Variants in EPHA1 observed in about 807,000 individuals in gnomAD.
EPHA1 encodes the protein ephrin type-A receptor 1.
EPHA1 carries 92 observed loss-of-function variants against 110.1 expected under a neutral mutation model. That is an observed-to-expected ratio of 0.84 (90% CI 0.71 to 0.99). The LOEUF is 0.99. EPHA1 is among the 50% of genes least tolerant of loss of function. The pLI is 0.00. For synonymous variants in EPHA1, 500 were observed against 516.1 expected, an observed-to-expected ratio of 0.97 and a Z score of 0.42; for missense variants, 1,204 against 1,285.4, an observed-to-expected ratio of 0.94 and a Z score of 0.97.
intron 9 of EPHA1, 95 bp from the exon 10 acceptor site, chr7:143,397,457 G>C: frequency 3.1e-6 from 5 of 1,588,544 alleles, no homozygotes; most frequent in Non-Finnish European, 4.3e-6. Context: ...CGGGCTGGGA[G>C]TGCAGGATGG....
At position 143,400,082 on chromosome 7, in the gene EPHA1, G is replaced by T. The variant is rs375079124; in HGVS notation, c.433-29C>A. 2.8e-5 allele frequency: 43 copies of T among 1,562,700 alleles called. No homozygotes were observed. The African/African-American group carries it at 5.4e-4, about 20-fold the overall frequency. On this transcript the variant is annotated intron_variant, in intron 3 of 17. Coordinates refer to ENST00000275815, the MANE Select transcript of EPHA1 (RefSeq NM_005232.5). ...GGTAGAAGGTGGGGAAGAAAGGGGA[G>T]CAATGGCAAAGTCCTGCTTCTTTCC...
chr7:143,397,218 C>T, intron 10 of EPHA1, 86 bp downstream of exon 10: 1 of 1,457,894 alleles, frequency 6.9e-7, no homozygotes, highest in South Asian at 1.3e-5. Flanking sequence ...TTGATCCCTT[C>T]CCAGTGGCAT....
intron 2 of EPHA1, among the ~76,000 whole-genome samples, chr7:143,402,314 T>C (rs1586586650): frequency 6.6e-6 from 1 of 152,234 alleles, no homozygotes; most frequent in Non-Finnish European, 1.5e-5. Context: ...ATTTCAATTA[T>C]AGCCATCATC....
At position 143,393,690 on chromosome 7, in the gene EPHA1, T is replaced by C. The variant is rs1164006815; in HGVS notation, c.2677A>G (p.Ile893Val). 3 of 1,613,684 alleles carry C rather than the reference T, an allele frequency of 1.9e-6. No homozygotes were observed. The highest frequency in any genetic ancestry group is 1.1e-5 in the South Asian group (1 of 91,054). ...GGTTACCTGGGGTCAAAGTTGGCAA[T>C]GGTCCGCAGGGAGTGGGGGTTGGCA... ...LLANPHSLRT[I>V]ANFDPRMTLR... The change falls in exon 16 of 18, where the codon ATT (isoleucine) becomes GTT (valine). Residue 893 changes from isoleucine (I) to valine (V), a missense_variant. Coordinates refer to ENST00000275815, the MANE Select transcript of EPHA1 (RefSeq NM_005232.5). This position sits in a 1 kb window ranked among gnomAD's most constrained non-coding sequence, Gnocchi z 5.6.
intron 2 of EPHA1, among the ~76,000 whole-genome samples, chr7:143,402,819 T>G (rs1314081333): frequency 1.3e-5 from 2 of 152,134 alleles, no homozygotes; most frequent in Non-Finnish European, 2.9e-5. Context: ...ATTCATGCCT[T>G]TAATCATTAT....
chr7:143,394,127 G>A, intron 15 of EPHA1, 67 bp downstream of exon 15: 1 of 1,543,398 alleles, frequency 6.5e-7, no homozygotes, highest in Non-Finnish European at 8.8e-7. Flanking sequence ...AAGGCCATGG[G>A]AGGACCTTGG....
At chr7:143,402,325 G>A (rs1196924057) in intron 2 of EPHA1, among the ~76,000 whole-genome samples, 1 of 152,066 alleles carries the variant, frequency 6.6e-6, no homozygotes, top group Non-Finnish European at 1.5e-5. Context: ...AGCCATCATC[G>A]AAATCAACAA....
At position 143,399,940 on chromosome 7, in the gene EPHA1, G is replaced by T; in HGVS notation, c.546C>A (p.Tyr182Ter). ...AGGCACCCGGGTTGTGGAAAGCGAG[G>T]TAGAGGCCACGGCGGGTCAGGCGGC... ...SLGRLTRRGLYLAFHNPGACV... is the reference protein window; with the variant it reads ...SLGRLTRRGL Residue 182 changes from tyrosine (Y) to a stop codon, truncating the protein, a stop_gained, in exon 4 of 18, where the codon TAC (tyrosine) becomes TAA (stop). Coordinates refer to ENST00000275815, the MANE Select transcript of EPHA1 (RefSeq NM_005232.5). LOFTEE classifies it high-confidence loss of function. The T allele has an allele frequency of 6.2e-7, 1 of 1,613,894 alleles. No individual in the cohort carries two copies.
Position 143,408,635 on chromosome 7 carries a change from G to C in EPHA1, c.82+89C>G, listed in dbSNP as rs752666334. The C allele has an allele frequency of 1.3e-3, 480 of 372,454 alleles. 4 individuals carry two copies. In the East Asian group the frequency reaches 0.018, roughly 14 times the overall value. 23.1% of individuals were successfully genotyped at this position (372,454 alleles called of 1,614,324 possible). A position where few individuals can be genotyped will look rare whatever the true frequency, so the allele number is the denominator to read the frequency against. ...AGGGTCTCGGGGAACATGGCCCCTA[G>C]GAATGCCGGCTTCTGCAGGGGGGTG... On this transcript the variant is annotated intron_variant, in intron 1 of 17. Coordinates refer to ENST00000275815, the MANE Select transcript of EPHA1 (RefSeq NM_005232.5).
At position 143,408,816 on chromosome 7, in the gene EPHA1, C is replaced by G. The variant is rs1252922163; in HGVS notation, c.-11G>C. On this transcript the variant is annotated 5_prime_UTR_variant, in exon 1 of 18. Transcript: ENST00000275815. ...CCAGCGCCGCTCCATAGCTCCGGGC[C>G]GGGACCTGGGACAGTGGCCCGGATG... 1.8e-6 allele frequency: 2 copies of G among 1,118,570 alleles called. No homozygotes were observed. Among genetic ancestry groups the G allele is most frequent in the Non-Finnish European group, 2.2e-6 (2 of 920,792 alleles). 69.3% of individuals were successfully genotyped at this position (1,118,570 alleles called of 1,614,324 possible).
rs1805321069 is a variant in EPHA1 at position 143,398,454 on chromosome 7, G to A, written c.1337-6C>T. The A allele has an allele frequency of 3.1e-6, 5 of 1,613,966 alleles. No homozygotes were observed. The highest frequency in any genetic ancestry group is 1.3e-5 in the African/African-American group (1 of 74,896). On this transcript the variant is annotated splice_region_variant and splice_polypyrimidine_tract_variant and intron_variant, in intron 6 of 17. Transcript: ENST00000275815. ...AGACAGGCCTGACAGTGACTCTGGG[G>A]GTCCAGAGGGATAAGGTTGGATATG...
In EPHA1 at chr7:143,397,908, A is replaced by T; in HGVS notation, c.1615+12T>A. ...GTGTATGTGTGTTGGGGCAGAGCAC[A>T]AGATACCCCACCTGGTGGGCTGGTC... On this transcript the variant is annotated intron_variant, in intron 8 of 17. Coordinates refer to ENST00000275815, the MANE Select transcript of EPHA1 (RefSeq NM_005232.5). 1 of 1,613,696 alleles carries T rather than the reference A, an allele frequency of 6.2e-7. No homozygotes were observed. Among genetic ancestry groups the T allele is most frequent in the Non-Finnish European group, 8.5e-7 (1 of 1,179,680 alleles).
chr7:143,398,372 C>T lies in EPHA1; in HGVS notation c.1413G>A (p.Arg471=). ...TCAGGTTCGCCCCAGGGCTTCGGGG[C>T]CGGGACCCCGCCCAGGTCAGCTCTA... The part of the protein sequence containing the change: ...RQLELTWAGS[R]PRSPGANLTY... The change falls in exon 7 of 18, where the codon CGG becomes CGA. Residue 471 remains arginine, a synonymous_variant. Transcript: ENST00000275815. 6.2e-7 allele frequency: 1 copy of T among 1,614,140 alleles called. No individual in the cohort carries two copies. Among genetic ancestry groups the T allele is most frequent in the Non-Finnish European group, 8.5e-7 (1 of 1,179,996 alleles).
chr7:143,399,590 C>T, intron 4 of EPHA1, 61 bp downstream of exon 4: 1 of 1,600,038 alleles, frequency 6.2e-7, no homozygotes, highest in Non-Finnish European at 8.5e-7. Context: ...TCCTTCTCTG[C>T]CGGGGTACTC....
In EPHA1 at chr7:143,393,498, T is replaced by C. The variant is rs145040509; in HGVS notation, c.2696+173A>G. 1.3e-5 allele frequency among the ~76,000 whole-genome samples: 2 copies of C among 152,144 alleles called. No individual in the cohort carries two copies. Among genetic ancestry groups the C allele is most frequent in the Non-Finnish European group, 2.9e-5 (2 of 68,036 alleles). On this transcript the variant is annotated intron_variant, in intron 16 of 17. Coordinates refer to ENST00000275815, the MANE Select transcript of EPHA1 (RefSeq NM_005232.5). The surrounding 1 kb of genome is among the most constrained non-coding windows in gnomAD (Gnocchi z 5.6). ...AGCCATAACTGATTTTCTGCAAATA[T>C]GCATAATCTAAAGCTGACCTCTTGG...
chr7:143,398,431 A>G lies in EPHA1; in HGVS notation c.1354T>C (p.Ser452Pro). The G allele has an allele frequency of 6.2e-7, 1 of 1,614,128 alleles. No individual in the cohort carries two copies. ...MGHAESLSGL[S>P]LRLVKKEPRQ... ...GGTTCTTTCTTCACCAGTCTCAGAGACAGGCCTGACAGTGACTCTGGGGGT... is the reference window on the plus strand; with the variant it reads ...GGTTCTTTCTTCACCAGTCTCAGAGGCAGGCCTGACAGTGACTCTGGGGGT... Residue 452 changes from serine (S) to proline (P), a missense_variant, in exon 7 of 18, where the codon TCT becomes CCT. Ser to Pro is a moderately conservative substitution (Grantham distance 74). Coordinates refer to ENST00000275815, the MANE Select transcript of EPHA1 (RefSeq NM_005232.5).
Position 143,401,585 on chromosome 7 carries a change from T to C in EPHA1, c.171A>G (p.Ile57Met), listed in dbSNP as rs2116631952. 4 of 1,613,178 alleles carry C rather than the reference T, an allele frequency of 2.5e-6. No homozygotes were observed. In the East Asian group the frequency reaches 8.9e-5, roughly 36 times the overall value. ...PKDGWSEQQQ[I>M]LNGTPLYMYQ... The stretch of plus-strand genomic sequence containing the variant: ...ACATGTACAGGGGTGTCCCATTCAG[T>C]ATCTGTTGCTGTTCACTCCACTGCA... The change falls in exon 3 of 18, where the codon ATA (isoleucine) becomes ATG (methionine). Residue 57 changes from isoleucine (I) to methionine (M), a missense_variant. By Grantham distance (10) the Ile-to-Met change is conservative. Coordinates refer to ENST00000275815, the MANE Select transcript of EPHA1 (RefSeq NM_005232.5). The surrounding 1 kb of genome is among the most constrained non-coding windows in gnomAD (Gnocchi z 4.1).
At chr7:143,402,210 C>T (rs1805441330) in intron 2 of EPHA1, among the ~76,000 whole-genome samples, 1 of 152,008 alleles carries the variant, frequency 6.6e-6, no homozygotes, top group Non-Finnish European at 1.5e-5. Context: ...CCACCACACC[C>T]AGCCCAAGAT....
In EPHA1 at chr7:143,397,338, C is replaced by A. The variant is rs1052212564; in HGVS notation, c.1737G>T (p.Gln579His). ...CATCGGTGGCGCGGTCACGCTGCCT[C>A]TGCTGCCTCTGCCGCTGGGCTCTCC... ...RSRRAQRQRQ[Q>H]RQRDRATDVD... The change falls in exon 10 of 18, where the codon CAG becomes CAT. Residue 579 changes from glutamine (Q) to histidine (H), a missense_variant. Gln to His is a conservative substitution (Grantham distance 24, BLOSUM62 0). Coordinates refer to ENST00000275815, the MANE Select transcript of EPHA1 (RefSeq NM_005232.5). 1.3e-6 allele frequency: 2 copies of A among 1,549,862 alleles called. No individual in the cohort carries two copies. Among genetic ancestry groups the A allele is most frequent in the Non-Finnish European group, 1.7e-6 (2 of 1,146,898 alleles).
Sources: allele counts gnomAD v4.1 joint callset (sites outside exome capture counted in the v4.1 genomes callset), GRCh38; gene constraint gnomAD v4.1.1; non-coding constraint Gnocchi (gnomAD v3.1); transcripts MANE v1.5; gene names NCBI Gene and HGNC (gene_info 2026-07-23, HGNC 2026-07-21).